Variants in RAI1 observed in about 807,000 individuals in gnomAD.
RAI1 encodes retinoic acid induced 1.
Under a neutral mutation model 123.8 loss-of-function variants are expected in RAI1, and 9 were observed. That is an observed-to-expected ratio of 0.07 (90% CI 0.04 to 0.13). The LOEUF (loss-of-function observed/expected upper bound fraction) is 0.13, where lower values mean the gene tolerates loss of function less well. RAI1 is among the 10% of genes least tolerant of loss of function. RAI1 has a pLI of 1.00. For missense variants in RAI1, 2,256 were observed against 2,545.8 expected, an observed-to-expected ratio of 0.89 and a Z score of 2.45; for synonymous variants, 1,231 against 1,127.3, an observed-to-expected ratio of 1.09 and a Z score of -1.84.
intron 4 of RAI1, among the ~76,000 whole-genome samples, chr17:17,804,925 C>T (rs1010205627): frequency 1.1e-4 from 16 of 151,970 alleles, no homozygotes; most frequent in African/African-American, 2.7e-4. Flanking sequence ...TGCAGTGGTG[C>T]GATCTTGGCT....
chr17:17,756,215 G>C (rs1265938017), intron 2 of RAI1, among the ~76,000 whole-genome samples: 3 of 148,670 alleles, frequency 2.0e-5, no homozygotes, highest in Non-Finnish European at 3.0e-5. Flanking sequence ...TTTTTTTTTG[G>C]AGACAGAGTT....
intron 1 of RAI1, among the ~76,000 whole-genome samples, chr17:17,690,389 CAAAA>C (rs34265723): frequency 8.2e-5 from 10 of 122,236 alleles, no homozygotes; most frequent in Admixed American, 1.8e-4. Context: ...GACCTTGTCT[CAAAA>C]AAAAAAAAAA....
intron 2 of RAI1, among the ~76,000 whole-genome samples, chr17:17,761,682 A>T (rs2030703999): frequency 6.6e-6 from 1 of 152,162 alleles, no homozygotes; most frequent in Non-Finnish European, 1.5e-5. Context: ...AGACTCCCAG[A>T]GGGTGCCAGT....
At chr17:17,715,271 A>G (rs1915674430) in intron 1 of RAI1, among the ~76,000 whole-genome samples, 1 of 152,232 alleles carries the variant, frequency 6.6e-6, no homozygotes, top group African/African-American at 2.4e-5. Flanking sequence ...TGAGCTGGGC[A>G]CTGGTGTGGA....
intron 3 of RAI1, among the ~76,000 whole-genome samples, chr17:17,798,787 A>G (rs2032359675): frequency 6.6e-6 from 1 of 152,106 alleles, no homozygotes; most frequent in Admixed American, 6.5e-5. Flanking sequence ...CTCACCTGGC[A>G]TCTTCAGGCT....
At chr17:17,741,896 A>G (rs995335885) in intron 2 of RAI1, among the ~76,000 whole-genome samples, 9 of 152,370 alleles carry the variant, frequency 5.9e-5, no homozygotes, top group Admixed American at 5.9e-4. Flanking sequence ...GGTGAGGGAG[A>G]TGACGATAGA....
chr17:17,764,918 A>G (rs1424444916), intron 2 of RAI1, among the ~76,000 whole-genome samples: 2 of 152,190 alleles, frequency 1.3e-5, no homozygotes, highest in Admixed American at 6.5e-5. Flanking sequence ...TATGAGACCT[A>G]TCTGTGCTGT....
chr17:17,689,105 A>C (rs1028825946), intron 1 of RAI1, among the ~76,000 whole-genome samples: 1 of 151,572 alleles, frequency 6.6e-6, no homozygotes, highest in South Asian at 2.1e-4. Flanking sequence ...ACAGGTACGC[A>C]CTACCATGTC....
At chr17:17,747,442 C>G (rs188093197) in intron 2 of RAI1, among the ~76,000 whole-genome samples, 10 of 152,292 alleles carry the variant, frequency 6.6e-5, no homozygotes, top group African/African-American at 2.4e-4. Flanking sequence ...GGGAAGGAGA[C>G]TGAAGCCTGG....
rs906835997 is a variant in RAI1 at position 17,685,643 on chromosome 17, C to T, written c.-149+3850C>T. 2.6e-5 allele frequency among the ~76,000 whole-genome samples: 4 copies of T among 152,166 alleles called. No individual in the cohort carries two copies. The highest frequency in any genetic ancestry group is 7.2e-5 in the African/African-American group (3 of 41,446). ...TCCTCACTGGCCTCCCTGCCTCCAT[C>T]CTGTCCCCTCCCAGGTGCTGGCCAG... On this transcript the variant is annotated intron_variant, in intron 1 of 5. Coordinates refer to ENST00000353383, the MANE Select transcript of RAI1 (RefSeq NM_030665.4). This position sits in a 1 kb window ranked among gnomAD's most constrained non-coding sequence, Gnocchi z 4.0.
chr17:17,809,040 C>G lies in RAI1; in HGVS notation c.5660-350C>G, dbSNP rs527910447. On this transcript the variant is annotated intron_variant, in intron 4 of 5. Coordinates refer to ENST00000353383, the MANE Select transcript of RAI1 (RefSeq NM_030665.4). This position sits in a 1 kb window ranked among gnomAD's most constrained non-coding sequence, Gnocchi z 4.9. ...AGGAGCAAGACAAGATCACACAGGCCAGTCTCTTAGGAGGCAGTGACAAGT... is the reference window on the plus strand; with the variant it reads ...AGGAGCAAGACAAGATCACACAGGCGAGTCTCTTAGGAGGCAGTGACAAGT... The G allele has an allele frequency of 2.1e-5, 8 of 390,198 alleles. No individual in the cohort carries two copies. The highest frequency in any genetic ancestry group is 1.7e-4 in the African/African-American group (8 of 48,342). The allele number at this position is 390,198 out of a possible 1,614,324, so 24.2% of individuals were successfully genotyped here. A position where few individuals can be genotyped will look rare whatever the true frequency, so the allele number is the denominator to read the frequency against.
At chr17:17,738,790 A>C (rs192184766) in intron 2 of RAI1, among the ~76,000 whole-genome samples, 37 of 152,286 alleles carry the variant, frequency 2.4e-4, no homozygotes, top group Admixed American at 2.4e-3. Context: ...TCTGGGTGTC[A>C]GTCTTCTCCA....
intron 2 of RAI1, among the ~76,000 whole-genome samples, chr17:17,760,978 A>G (rs1289799265): frequency 6.6e-6 from 1 of 152,254 alleles, no homozygotes; most frequent in East Asian, 1.9e-4. Context: ...CTAGAACTGC[A>G]TACTCAGGGG....
At chr17:17,788,394 G>A (rs1480086199) in intron 2 of RAI1, among the ~76,000 whole-genome samples, 5 of 152,112 alleles carry the variant, frequency 3.3e-5, no homozygotes, top group Admixed American at 6.5e-5. Context: ...GAGCCCATAC[G>A]ATAGCAGTGA....
intron 1 of RAI1, among the ~76,000 whole-genome samples, chr17:17,696,965 C>T (rs1039296381): frequency 6.6e-6 from 1 of 152,210 alleles, no homozygotes; most frequent in African/African-American, 2.4e-5. Context: ...GGCTCCTCAG[C>T]CCCTCTTCTC....
chr17:17,785,810 T>C lies in RAI1; in HGVS notation c.-16-7123T>C, dbSNP rs181122036. Among the ~76,000 whole-genome samples the C allele has an allele frequency of 2.1e-4, 32 of 152,316 alleles. No homozygotes were observed. The East Asian group carries it at 6.2e-3, about 29-fold the overall frequency. On this transcript the variant is annotated intron_variant, in intron 2 of 5. Coordinates refer to ENST00000353383, the MANE Select transcript of RAI1 (RefSeq NM_030665.4). ...GGTCCCAGAGCTTCTGCTGGGCCCG[T>C]GAGCACTGTTCCTCCTGCTCTGGGT...
intron 2 of RAI1, among the ~76,000 whole-genome samples, chr17:17,791,974 C>T (rs1033597395): frequency 6.6e-6 from 1 of 152,188 alleles, no homozygotes; most frequent in Non-Finnish European, 1.5e-5. Flanking sequence ...GTTGCCTGCC[C>T]CAGCCCTCAC....
chr17:17,727,688 C>T (rs911340257), intron 2 of RAI1, among the ~76,000 whole-genome samples: 6 of 152,202 alleles, frequency 3.9e-5, no homozygotes, highest in African/African-American at 1.2e-4. Flanking sequence ...CTAGTGGTTG[C>T]GTCCTTGCCC....
At chr17:17,798,647 G>A in intron 3 of RAI1, 134 bp downstream of exon 3, 1 of 1,446,552 alleles carries the variant, frequency 6.9e-7, no homozygotes, top group Non-Finnish European at 9.3e-7. Flanking sequence ...AATCTGCAGA[G>A]TCCTGAGCCT....
Sources: allele counts gnomAD v4.1 joint callset (sites outside exome capture counted in the v4.1 genomes callset), GRCh38; gene constraint gnomAD v4.1.1; non-coding constraint Gnocchi (gnomAD v3.1); transcripts MANE v1.5; gene names NCBI Gene and HGNC (gene_info 2026-07-23, HGNC 2026-07-21).